ALG11: variants seen among roughly 807,000 people sequenced by gnomAD.
The protein encoded by ALG11 is ALG11 alpha-1,2-mannosyltransferase.
ALG11 carries 26 observed loss-of-function variants against 38.8 expected under a neutral mutation model. The observed-to-expected ratio is 0.67, with a 90% confidence interval of 0.49 to 0.93. ALG11 has a LOEUF of 0.93. Among genes scored for constraint, ALG11 ranks in the 40% least tolerant of loss-of-function variants. The pLI is 0.00. For missense variants in ALG11, 535 were observed against 578.8 expected, an observed-to-expected ratio of 0.92 and a Z score of 0.78; for synonymous variants, 199 against 211.6, an observed-to-expected ratio of 0.94 and a Z score of 0.52.
chr13:52,022,698 GTTTTTTT>G (rs36065613), intron 2 of ALG11: 1 of 128,334 alleles, frequency 7.8e-6, no homozygotes. Context: ...TAATAAATTT[GTTTTTTT>G]TTTTTTTTTT....
rs1954281088 is a variant in ALG11 at position 52,029,852 on chromosome 13, G to A, written c.*1262G>A. ...GAGTGAGGAAGAGGAGGGAGGCACA[G>A]AAGTGGAAGAACTCCTTGTCCCTCA... On this transcript the variant is annotated 3_prime_UTR_variant, in exon 4 of 4. Transcript: ENST00000521508. The A allele has an allele frequency of 6.2e-7, 1 of 1,614,136 alleles. No homozygotes were observed. Among genetic ancestry groups the A allele is most frequent in the Admixed American group, 1.7e-5 (1 of 60,014 alleles).
In ALG11 at chr13:52,030,879, G is replaced by T; in HGVS notation, c.*2289G>T. The T allele has an allele frequency of 1.2e-6, 2 of 1,614,062 alleles. No individual in the cohort carries two copies. The highest frequency in any genetic ancestry group is 1.7e-6 in the Non-Finnish European group (2 of 1,180,030). ...CTTCCATATCCATTTACCCACCATC[G>T]GCAATTTGAAAGGACCATCCAGACC... is the stretch of plus-strand genomic sequence containing the variant. On this transcript the variant is annotated 3_prime_UTR_variant, in exon 4 of 4. Transcript: ENST00000521508.
chr13:52,029,400 C>T lies in ALG11; in HGVS notation c.*810C>T. ...CTCCATAAGAACAAGCAGCCAGTGA[C>T]AGATCCTTTACTGACTCCCATGGAA... On this transcript the variant is annotated 3_prime_UTR_variant, in exon 4 of 4. Transcript: ENST00000521508. 1.9e-6 allele frequency: 3 copies of T among 1,614,162 alleles called. No individual in the cohort carries two copies. The highest frequency in any genetic ancestry group is 2.5e-6 in the Non-Finnish European group (3 of 1,180,032).
intron 3 of ALG11, 84 bp from the exon 4 acceptor site, chr13:52,028,235 T>G: frequency 1.3e-6 from 2 of 1,548,136 alleles, no homozygotes; most frequent in Non-Finnish European, 1.8e-6. Flanking sequence ...TCCCTTAAAT[T>G]TTTTGAAGAT....
intron 3 of ALG11, among the ~76,000 whole-genome samples, chr13:52,025,354 C>G (rs530261553): frequency 2.6e-5 from 4 of 152,200 alleles, no homozygotes; most frequent in Non-Finnish European, 5.9e-5. Context: ...CTCTCTCCAT[C>G]TAACCCCACT....
At chr13:52,013,359 C>G (rs1270735497) in intron 1 of ALG11, among the ~76,000 whole-genome samples, 1 of 152,210 alleles carries the variant, frequency 6.6e-6, no homozygotes, top group Non-Finnish European at 1.5e-5. Flanking sequence ...TTTGTCCACT[C>G]TACTTCAAAT....
At chr13:52,019,484 G>T (rs1954167005) in intron 2 of ALG11, among the ~76,000 whole-genome samples, 1 of 152,154 alleles carries the variant, frequency 6.6e-6, no homozygotes, top group Non-Finnish European at 1.5e-5. Context: ...GCCTTCCAAA[G>T]TGTTGGTATT....
At chr13:52,013,692 C>CCT (rs1402198301) in intron 1 of ALG11, among the ~76,000 whole-genome samples, 1 of 152,178 alleles carries the variant, frequency 6.6e-6, no homozygotes, top group Non-Finnish European at 1.5e-5. Flanking sequence ...AGCAAACTGT[C>CCT]CTCTGTAGTG....
At position 52,030,167 on chromosome 13, in the gene ALG11, C is replaced by T; in HGVS notation, c.*1577C>T. ...AAAAGATTCTAGCAGCCAGGAGGTG[C>T]TGTCCGAATTGAGGGCACTATCTCA... On this transcript the variant is annotated 3_prime_UTR_variant, in exon 4 of 4. Coordinates refer to ENST00000521508, the MANE Select transcript of ALG11 (RefSeq NM_001004127.3). The T allele has an allele frequency of 5.6e-6, 9 of 1,614,226 alleles. No individual in the cohort carries two copies. Among genetic ancestry groups the T allele is most frequent in the Non-Finnish European group, 7.6e-6 (9 of 1,180,040 alleles).
At position 52,029,658 on chromosome 13, in the gene ALG11, T is replaced by A. The variant is rs200420699; in HGVS notation, c.*1068T>A. ...GTGGCACTGGAAGAAATGGAAAAAA[T>A]TGAAAATGCCAGAATGATGGAAAGA... is the stretch of plus-strand genomic sequence containing the variant. On this transcript the variant is annotated 3_prime_UTR_variant, in exon 4 of 4. Coordinates refer to ENST00000521508, the MANE Select transcript of ALG11 (RefSeq NM_001004127.3). The A allele has an allele frequency of 5.0e-6, 8 of 1,613,814 alleles. No homozygotes were observed. In the African/African-American group the frequency reaches 5.3e-5, roughly 11 times the overall value.
In ALG11 at chr13:52,024,840, G is replaced by A. The variant is rs2140840492; in HGVS notation, c.1110G>A (p.Val370=). ...AGGATTTAGGAGTTCAAGAATATGT[G>A]GAATTTAAAATAAACATTCCATTTG... ...LSEDLGVQEY[V]EFKINIPFDE... The change falls in exon 3 of 4, where the codon GTG becomes GTA. Residue 370 remains valine (V), a synonymous_variant. Coordinates refer to ENST00000521508, the MANE Select transcript of ALG11 (RefSeq NM_001004127.3). 1 of 1,613,878 alleles carries A rather than the reference G, an allele frequency of 6.2e-7. No homozygotes were observed.
At chr13:52,025,634 T>C (rs1190005310) in intron 3 of ALG11, among the ~76,000 whole-genome samples, 1 of 152,248 alleles carries the variant, frequency 6.6e-6, no homozygotes, top group Non-Finnish European at 1.5e-5. Flanking sequence ...CCTTGCACTT[T>C]AGCCTTTCTT....
Position 52,030,325 on chromosome 13 carries a change from A to G in ALG11, c.*1735A>G, listed in dbSNP as rs1481532201. On this transcript the variant is annotated 3_prime_UTR_variant, in exon 4 of 4. Coordinates refer to ENST00000521508, the MANE Select transcript of ALG11 (RefSeq NM_001004127.3). ...TGCTACAGAGGTCAGAGAGAGTACA[A>G]ACTCTGGAAGAGCTAGAAGAGCTGG... The G allele has an allele frequency of 8.1e-6, 13 of 1,614,218 alleles. No individual in the cohort carries two copies. Among genetic ancestry groups the G allele is most frequent in the Middle Eastern group, 1.6e-4 (1 of 6,062 alleles).
In ALG11 at chr13:52,029,801, A is replaced by T; in HGVS notation, c.*1211A>T. 6.2e-7 allele frequency: 1 copy of T among 1,614,200 alleles called. No individual in the cohort carries two copies. Among genetic ancestry groups the T allele is most frequent in the Non-Finnish European group, 8.5e-7 (1 of 1,180,026 alleles). ...ACAGTTGGCCAAGAACAAAGAACTGACACAGAAACTCCAGGTAGCCTCTGA... is the reference window on the plus strand; with the variant it reads ...ACAGTTGGCCAAGAACAAAGAACTGTCACAGAAACTCCAGGTAGCCTCTGA... On this transcript the variant is annotated 3_prime_UTR_variant, in exon 4 of 4. Transcript: ENST00000521508.
At position 52,030,670 on chromosome 13, in the gene ALG11, C is replaced by G; in HGVS notation, c.*2080C>G. On this transcript the variant is annotated 3_prime_UTR_variant, in exon 4 of 4. Transcript: ENST00000521508. ...CTGTGGAGGCGAGTAAGCCAAAGGACGTGGACCTGACACTACCTGGCTGGG... is the reference window on the plus strand; with the variant it reads ...CTGTGGAGGCGAGTAAGCCAAAGGAGGTGGACCTGACACTACCTGGCTGGG... 6.2e-7 allele frequency: 1 copy of G among 1,614,192 alleles called. No homozygotes were observed. Among genetic ancestry groups the G allele is most frequent in the Non-Finnish European group, 8.5e-7 (1 of 1,180,022 alleles).
chr13:52,027,583 TCTC>T (rs1240801162), intron 3 of ALG11, among the ~76,000 whole-genome samples: 2 of 152,168 alleles, frequency 1.3e-5, no homozygotes, highest in Non-Finnish European at 2.9e-5. Context: ...AGGGCTTAAT[TCTC>T]CTAGGAATAT....
Position 52,024,863 on chromosome 13 carries a change from T to C in ALG11, c.1133T>C (p.Phe378Ser). The C allele has an allele frequency of 6.2e-7, 1 of 1,613,966 alleles. No homozygotes were observed. Among genetic ancestry groups the C allele is most frequent in the Non-Finnish European group, 8.5e-7 (1 of 1,179,990 alleles). ...GTGGAATTTAAAATAAACATTCCAT[T>C]TGATGAATTAAAGAATTATTTGTCT... ...EYVEFKINIPFDELKNYLSEA... is the reference protein window; with the variant it reads ...EYVEFKINIPSDELKNYLSEA... The change falls in exon 3 of 4, where the codon TTT becomes TCT. Residue 378 changes from phenylalanine (F) to serine (S), a missense_variant. Phe to Ser is a radical substitution (Grantham distance 155). Transcript: ENST00000521508.
chr13:52,019,290 C>G, intron 2 of ALG11, 147 bp downstream of exon 2: 2 of 713,480 alleles, frequency 2.8e-6, no homozygotes, highest in Non-Finnish European at 4.3e-6. Context: ...GGCACGATGT[C>G]GGCTCACTGC....
In ALG11 at chr13:52,029,286, G is replaced by T. The variant is rs1196647252; in HGVS notation, c.*696G>T. ...GCAGAGCAGCTGGTTTTTCCCCTGG[G>T]GAAGGAGCAGCCAGCCATTGCTCCC... On this transcript the variant is annotated 3_prime_UTR_variant, in exon 4 of 4. Coordinates refer to ENST00000521508, the MANE Select transcript of ALG11 (RefSeq NM_001004127.3). 1 of 1,614,178 alleles carries T rather than the reference G, an allele frequency of 6.2e-7. No individual in the cohort carries two copies. The highest frequency in any genetic ancestry group is 1.1e-5 in the South Asian group (1 of 91,078).
Sources: allele counts gnomAD v4.1 joint callset (sites outside exome capture counted in the v4.1 genomes callset), GRCh38; gene constraint gnomAD v4.1.1; transcripts MANE v1.5; gene names NCBI Gene and HGNC (gene_info 2026-07-23, HGNC 2026-07-21).